PDE8B: variants seen among roughly 807,000 people sequenced by gnomAD.
PDE8B encodes the protein phosphodiesterase 8B.
A neutral mutation model predicts 101.3 loss-of-function variants in PDE8B; 26 were observed. The ratio of observed to expected loss-of-function variants is 0.26; its 90% confidence interval spans 0.19 to 0.36. PDE8B has a LOEUF of 0.36. Among genes scored for constraint, PDE8B ranks in the 10% least tolerant of loss-of-function variants. The pLI, the probability that PDE8B is intolerant of heterozygous loss-of-function variation, is 1.00. For missense variants in PDE8B, 810 were observed against 1,163.1 expected, an observed-to-expected ratio of 0.70 and a Z score of 4.42; for synonymous variants, 424 against 429.3, an observed-to-expected ratio of 0.99 and a Z score of 0.15.
intron 10 of PDE8B, among the ~76,000 whole-genome samples, chr5:77,362,423 T>G (rs1392063808): frequency 6.6e-6 from 1 of 152,254 alleles, no homozygotes; most frequent in African/African-American, 2.4e-5. Flanking sequence ...GATGGTAAGC[T>G]ATAGTAATGT....
At chr5:77,409,112 T>A in intron 14 of PDE8B, 55 bp downstream of exon 14, 1 of 1,465,896 alleles carries the variant, frequency 6.8e-7, no homozygotes, top group South Asian at 1.1e-5. Flanking sequence ...GCCTCTAGAG[T>A]GCAGCTGATG....
At chr5:77,091,408 G>C in the PDE8B span, among the ~76,000 whole-genome samples, 1 of 152,234 alleles carries the variant, frequency 6.6e-6, no homozygotes, top group Admixed American at 6.5e-5. Context: ...GGGAGGCCCA[G>C]GCGAGTGGAT....
At chr5:77,317,767 C>A (rs112317458) in intron 2 of PDE8B, among the ~76,000 whole-genome samples, 2 of 152,086 alleles carry the variant, frequency 1.3e-5, no homozygotes, top group Admixed American at 6.6e-5. Flanking sequence ...CGTCCCCATT[C>A]CCGTCATGCT....
intron 14 of PDE8B, among the ~76,000 whole-genome samples, chr5:77,409,589 C>T (rs1487406911): frequency 6.6e-6 from 1 of 152,158 alleles, no homozygotes; most frequent in Non-Finnish European, 1.5e-5. Context: ...GAACCTCTCA[C>T]TGCCACATTC....
At chr5:77,099,762 A>G in the PDE8B span, among the ~76,000 whole-genome samples, 2 of 152,068 alleles carry the variant, frequency 1.3e-5, no homozygotes, top group Admixed American at 1.3e-4. Context: ...GGTGCACGTC[A>G]CCACACCCAG....
intron 6 of PDE8B, among the ~76,000 whole-genome samples, chr5:77,338,283 C>G (rs940553155): frequency 2.0e-5 from 3 of 152,150 alleles, no homozygotes; most frequent in African/African-American, 7.2e-5. Flanking sequence ...CTTAATTATC[C>G]TCCGTCCCAG....
chr5:77,177,330 C>T, the PDE8B span, among the ~76,000 whole-genome samples: 1 of 152,124 alleles, frequency 6.6e-6, no homozygotes, highest in Non-Finnish European at 1.5e-5. Context: ...AGTAATGAAC[C>T]CTGTGTACAC....
intron 14 of PDE8B, among the ~76,000 whole-genome samples, chr5:77,409,317 C>T (rs557310546): frequency 6.6e-6 from 1 of 152,254 alleles, no homozygotes; most frequent in South Asian, 2.1e-4. Context: ...TGCAGGGAGT[C>T]ATTGGGCAAC....
intron 1 of PDE8B, among the ~76,000 whole-genome samples, chr5:77,294,041 T>C (rs1767968484): frequency 6.6e-6 from 1 of 152,246 alleles, no homozygotes; most frequent in South Asian, 2.1e-4. Flanking sequence ...CAGAAGTTTT[T>C]AATGTTAATA....
At chr5:77,270,474 CTGGT>C (rs1762563862) in intron 1 of PDE8B, among the ~76,000 whole-genome samples, 2 of 152,186 alleles carry the variant, frequency 1.3e-5, no homozygotes, top group Admixed American at 1.3e-4. Context: ...GTTGCTCTAG[CTGGT>C]AATTCCCCAT....
At chr5:77,350,128 G>A (rs1019095901) in intron 8 of PDE8B, among the ~76,000 whole-genome samples, 4 of 152,148 alleles carry the variant, frequency 2.6e-5, no homozygotes, top group Admixed American at 6.5e-5. Context: ...GCCTCTCATC[G>A]CTGGAACTGC....
At chr5:77,175,629 C>A in the PDE8B span, among the ~76,000 whole-genome samples, 2 of 152,298 alleles carry the variant, frequency 1.3e-5, no homozygotes, top group Admixed American at 6.5e-5. Context: ...TGTTAATTGT[C>A]TCTCTTCCTC....
At chr5:77,258,890 T>A (rs1412842029) in intron 1 of PDE8B, among the ~76,000 whole-genome samples, 1 of 151,790 alleles carries the variant, frequency 6.6e-6, no homozygotes, top group African/African-American at 2.4e-5. Flanking sequence ...GACTGTTGGT[T>A]CCTCAGGGTC....
the PDE8B span, among the ~76,000 whole-genome samples, chr5:77,129,598 C>T: frequency 6.6e-6 from 1 of 152,154 alleles, no homozygotes; most frequent in African/African-American, 2.4e-5. Flanking sequence ...TCTAGCTGTG[C>T]CCACCGGAGG....
rs930119209 is a variant in PDE8B, at chr5:77,409,021, T to G, written c.1494T>G (p.Asp498Glu). 6.2e-7 allele frequency: 1 copy of G among 1,613,836 alleles called. No homozygotes were observed. The highest frequency in any genetic ancestry group is 8.5e-7 in the Non-Finnish European group (1 of 1,179,884). ...CTCAGCTGGGTACCAAAGATGAAGA[T>G]CCCCACACCAGTGATCTTGTTGGAG... ...YSPQLGTKDEDPHTSDLVGGL... is the reference protein window; with the variant it reads ...YSPQLGTKDEEPHTSDLVGGL... Residue 498 changes from aspartate (D) to glutamate (E), a missense_variant, in exon 14 of 22, where the codon GAT (aspartate) becomes GAG (glutamate). Physicochemically the swap from Asp to Glu is conservative, Grantham distance 45. This residue lies in a region of PDE8B where 325 missense variants were observed against 560.9 expected (regional missense o/e 0.58). Coordinates refer to ENST00000264917, the MANE Select transcript of PDE8B (RefSeq NM_003719.5).
intron 1 of PDE8B, among the ~76,000 whole-genome samples, chr5:77,227,742 A>T (rs1193154471): frequency 6.6e-6 from 1 of 152,186 alleles, no homozygotes; most frequent in East Asian, 1.9e-4. Context: ...AAATATGCAG[A>T]AACTTTGGGG....
chr5:77,399,704 GATA>G lies in PDE8B; in HGVS notation c.1168-541_1168-539del, dbSNP rs936591891. Among the ~76,000 whole-genome samples the G allele has an allele frequency of 1.8e-3, 272 of 152,270 alleles. 4 individuals are homozygous for G. The highest frequency in any genetic ancestry group is 6.4e-3 in the African/African-American group (264 of 41,542). On this transcript the variant is annotated intron_variant, in intron 10 of 21. Coordinates refer to ENST00000264917, the MANE Select transcript of PDE8B (RefSeq NM_003719.5). ...AAAACCATTAACAACAAAAAAAATT[GATA>G]ATGAGAAAGAATAGGTGGAAAACTG...
chr5:77,411,748 G>C, intron 15 of PDE8B, 27 bp downstream of exon 15: 5 of 1,540,538 alleles, frequency 3.2e-6, no homozygotes, highest in Non-Finnish European at 4.5e-6. Flanking sequence ...TTACTTGTTA[G>C]TGTAACCTGT....
chr5:77,232,205 G>A (rs1450901290), intron 1 of PDE8B, among the ~76,000 whole-genome samples: 2 of 152,210 alleles, frequency 1.3e-5, no homozygotes, highest in African/African-American at 4.8e-5. Context: ...ACGTTCCTCA[G>A]TATTTCACAT....
Sources: gnomAD v4.1 joint callset for allele counts (sites outside exome capture counted in the v4.1 genomes callset) on GRCh38, gnomAD v4.1.1 for gene constraint, gnomAD v4.1.1 regional missense constraint, MANE v1.5 for transcripts, NCBI Gene and HGNC (gene_info 2026-07-23, HGNC 2026-07-21) for gene names.